PREP: variants seen among roughly 807,000 people sequenced by gnomAD.
The protein encoded by PREP is prolyl endopeptidase, also known as dJ355L5.1 (prolyl endopeptidase).
PREP carries 29 observed loss-of-function variants against 87.6 expected under a neutral mutation model. The observed-to-expected ratio is 0.33, with a 90% CI of 0.25 to 0.45. PREP has a LOEUF of 0.45. Among genes scored for constraint, PREP ranks in the 20% least tolerant of loss-of-function variants. The pLI, the probability that PREP is intolerant of heterozygous loss-of-function variation, is 1.00. For synonymous variants in PREP, 337 were observed against 328.6 expected, an observed-to-expected ratio of 1.03 and a Z score of -0.28; for missense variants, 695 against 886.5, an observed-to-expected ratio of 0.78 and a Z score of 2.74.
chr6:105,344,465 C>T (rs1771744901), intron 7 of PREP, among the ~76,000 whole-genome samples: 1 of 147,306 alleles, frequency 6.8e-6, no homozygotes, highest in African/African-American at 2.5e-5. Flanking sequence ...GCACTCCAGC[C>T]TGGGAGATAG....
intron 14 of PREP, among the ~76,000 whole-genome samples, chr6:105,279,908 G>A (rs898527884): frequency 3.3e-5 from 5 of 152,034 alleles, no homozygotes; most frequent in African/African-American, 4.8e-5. Flanking sequence ...GTTTCCTTAC[G>A]TGCAAATTTT....
rs34887910 is a variant in PREP at position 105,338,822 on chromosome 6, C to T, written c.824-5317G>A. Among the ~76,000 whole-genome samples, 1,429 of 152,274 alleles carry T rather than the reference C, an allele frequency of 9.4e-3. 12 individuals carry two copies. The highest frequency in any genetic ancestry group is 0.013 in the Non-Finnish European group (912 of 68,022). On this transcript the variant is annotated intron_variant, in intron 7 of 14. Transcript: ENST00000652536. ...AGTAGTCTGAGATCGAACTGCAAGG[C>T]GGAAGCGAGGCTGGGGAAGGGGCAT...
chr6:105,359,789 T>A (rs1772197708), intron 6 of PREP, among the ~76,000 whole-genome samples: 1 of 152,132 alleles, frequency 6.6e-6, no homozygotes, highest in Admixed American at 6.5e-5. Context: ...CCCCTCTCCC[T>A]CCTGTTAGGA....
chr6:105,331,110 GCT>G (rs1324531394), intron 8 of PREP, among the ~76,000 whole-genome samples: 3 of 152,094 alleles, frequency 2.0e-5, no homozygotes, highest in Admixed American at 6.5e-5. Context: ...ATTAATAAAA[GCT>G]CTGACTTTAC....
intron 10 of PREP, among the ~76,000 whole-genome samples, chr6:105,307,223 C>A (rs1770674480): frequency 6.6e-6 from 1 of 152,160 alleles, no homozygotes; most frequent in Non-Finnish European, 1.5e-5. Flanking sequence ...TAGCTTGTTT[C>A]TTGCATTCAA....
intron 10 of PREP, among the ~76,000 whole-genome samples, chr6:105,300,343 T>C (rs1439292803): frequency 6.6e-6 from 1 of 152,196 alleles, no homozygotes; most frequent in East Asian, 1.9e-4. Flanking sequence ...AGTGTTACCA[T>C]CTTGAAGACA....
At chr6:105,355,875 C>T (rs936725045) in intron 6 of PREP, among the ~76,000 whole-genome samples, 1 of 152,106 alleles carries the variant, frequency 6.6e-6, no homozygotes, top group African/African-American at 2.4e-5. Flanking sequence ...AATTTTTCAT[C>T]TCAGAGTTTT....
In PREP at chr6:105,287,396, C is replaced by T. The variant is rs144740070; in HGVS notation, c.1454+1362G>A. On this transcript the variant is annotated intron_variant, in intron 11 of 14. Transcript: ENST00000652536. ...TTCATTTACTCATATGATGATGCCA[C>T]ATATATCTTTCGAAAATATTGTTCT... 7.9e-5 allele frequency among the ~76,000 whole-genome samples: 12 copies of T among 152,262 alleles called. No individual in the cohort carries two copies. In the East Asian group the frequency reaches 2.3e-3, roughly 29 times the overall value.
At chr6:105,329,154 C>CA in intron 8 of PREP, 128 bp from the exon 9 acceptor site, 1 of 827,392 alleles carries the variant, frequency 1.2e-6, no homozygotes, top group Non-Finnish European at 1.8e-6. Flanking sequence ...GTCACTTTTA[C>CA]ATTTTTTTTT....
chr6:105,277,546 A>T lies in PREP; in HGVS notation c.*598T>A, dbSNP rs1769970993. On this transcript the variant is annotated 3_prime_UTR_variant, in exon 15 of 15. Transcript: ENST00000652536. ...CAGCTTCATCACCTCTAACAAACAA[A>T]CAAACAAGGGAGACAGAGTGGATGA... 1 of 152,806 alleles carries T rather than the reference A, an allele frequency of 6.5e-6. No individual in the cohort carries two copies. The highest frequency in any genetic ancestry group is 2.1e-4 in the South Asian group (1 of 4,856). The allele number at this position is 152,806 out of a possible 1,614,324, so 9.5% of individuals were successfully genotyped here.
chr6:105,278,772 G>GTAAT lies in PREP; in HGVS notation c.1839-338_1839-335dup, dbSNP rs1285477766. On this transcript the variant is annotated intron_variant, in intron 14 of 14. Coordinates refer to ENST00000652536, the MANE Select transcript of PREP (RefSeq NM_002726.5). This position sits in a 1 kb window ranked among gnomAD's most constrained non-coding sequence, Gnocchi z 4.2. ...TTTTTTTTTACTGCTACAAAGTGGA[G>GTAAT]TAATAATTGTCATTATAACCACACT... Among the ~76,000 whole-genome samples the GTAAT allele has an allele frequency of 1.3e-5, 2 of 152,004 alleles. No homozygotes were observed. Among genetic ancestry groups the GTAAT allele is most frequent in the South Asian group, 2.1e-4 (1 of 4,832 alleles).
chr6:105,296,272 GCT>G (rs1770409958), intron 10 of PREP, among the ~76,000 whole-genome samples: 1 of 152,036 alleles, frequency 6.6e-6, no homozygotes, highest in South Asian at 2.1e-4. Context: ...AAGTATACCT[GCT>G]CTTTTATTCT....
intron 2 of PREP, among the ~76,000 whole-genome samples, chr6:105,396,286 T>G (rs12215640): frequency 0.051 from 7,702 of 152,236 alleles, 259 homozygotes; most frequent in South Asian, 0.18. Flanking sequence ...TGTGCTTACT[T>G]TAGGGACAAA....
chr6:105,341,190 T>TC (rs1341640698), intron 7 of PREP, among the ~76,000 whole-genome samples: 4 of 152,208 alleles, frequency 2.6e-5, no homozygotes, highest in Admixed American at 1.3e-4. Flanking sequence ...AAACGGTATC[T>TC]CAGACCAAAG....
chr6:105,307,132 A>G (rs745747673), intron 10 of PREP, among the ~76,000 whole-genome samples: 3 of 152,124 alleles, frequency 2.0e-5, no homozygotes, highest in Non-Finnish European at 2.9e-5. Flanking sequence ...ATTACTTTGG[A>G]TTTATTTTCT....
At chr6:105,309,566 A>T (rs1770718364) in intron 10 of PREP, among the ~76,000 whole-genome samples, 3 of 152,208 alleles carry the variant, frequency 2.0e-5, no homozygotes, top group African/African-American at 7.2e-5. Context: ...GCCAGGCTGG[A>T]AAACTACCTT....
Position 105,307,885 on chromosome 6 carries a change from T to TTACA in PREP, c.1317+15776_1317+15779dup, listed in dbSNP as rs1176177056. 1.1e-4 allele frequency among the ~76,000 whole-genome samples: 16 copies of TTACA among 152,180 alleles called. 1 individual carries two copies. The highest frequency in any genetic ancestry group is 3.9e-4 in the African/African-American group (16 of 41,450). On this transcript the variant is annotated intron_variant, in intron 10 of 14. Coordinates refer to ENST00000652536, the MANE Select transcript of PREP (RefSeq NM_002726.5). ...GCCTCAGCCTCCCAAACTGATGAGA[T>TTACA]TACAGGTGTGAGCCACTGCGCCCGG... is the stretch of plus-strand genomic sequence containing the variant.
chr6:105,377,559 A>C, intron 2 of PREP, 40 bp from the exon 3 acceptor site: 1 of 1,600,662 alleles, frequency 6.2e-7, no homozygotes, highest in Non-Finnish European at 8.5e-7. Flanking sequence ...GTTAAATATA[A>C]AATTTTCCAT....
rs202108378 is a variant in PREP, at chr6:105,346,011, CTTTTA to C, written c.823+6956_823+6960del. Among the ~76,000 whole-genome samples the C allele has an allele frequency of 4.8e-3, 738 of 152,252 alleles. 8 individuals are homozygous for C. Among genetic ancestry groups the C allele is most frequent in the African/African-American group, 0.017 (696 of 41,538 alleles). Reference sequence around the variant, plus strand: ...ACTCATTTTATCACTAGTATTTTGTCTTTTATATCAGATTTCCTATTTTGGGTCTT... The same window carrying C: ...ACTCATTTTATCACTAGTATTTTGTCTATCAGATTTCCTATTTTGGGTCTT... On this transcript the variant is annotated intron_variant, in intron 7 of 14. Transcript: ENST00000652536.
Sources: allele counts gnomAD v4.1 joint callset (sites outside exome capture counted in the v4.1 genomes callset), GRCh38; gene constraint gnomAD v4.1.1; non-coding constraint Gnocchi (gnomAD v3.1); transcripts MANE v1.5; gene names NCBI Gene and HGNC (gene_info 2026-07-23, HGNC 2026-07-21).